Variants in NAALADL2 observed in about 807,000 individuals in gnomAD.
NAALADL2 encodes the protein N-acetylated alpha-linked acidic dipeptidase like 2.
In NAALADL2, 76 loss-of-function variants were observed where a neutral mutation model predicts 87.2. That is an observed-to-expected ratio of 0.87 (90% CI 0.72 to 1.05). NAALADL2 has a LOEUF of 1.05. Ranked by LOEUF, NAALADL2 falls within the 50% of genes least tolerant of loss-of-function variation. NAALADL2 has a pLI of 0.00. For missense variants in NAALADL2, 1,089 were observed against 945.8 expected (o/e 1.15, Z -1.99); for synonymous variants, 354 against 331.0 (o/e 1.07, Z -0.75).
intron 1 of NAALADL2, among the ~76,000 whole-genome samples, chr3:175,013,291 A>ATG (rs1361382620): frequency 1.2e-5 from 1 of 84,738 alleles, no homozygotes; most frequent in Non-Finnish European, 2.0e-5. Context: ...ATATATATAT[A>ATG]TATATATATA....
chr3:175,491,695 T>C (rs1728120692), intron 9 of NAALADL2, among the ~76,000 whole-genome samples: 2 of 152,258 alleles, frequency 1.3e-5, no homozygotes, highest in African/African-American at 4.8e-5. Context: ...AACAAGACTT[T>C]CTAACTGGTA....
chr3:175,517,240 A>G (rs909206955), intron 9 of NAALADL2, among the ~76,000 whole-genome samples: 2 of 152,214 alleles, frequency 1.3e-5, no homozygotes, highest in African/African-American at 4.8e-5. Flanking sequence ...AGGTGGACAA[A>G]CATTTCACAG....
Position 174,978,083 on chromosome 3 carries a change from A to T in NAALADL2, c.43+118633A>T, listed in dbSNP as rs140228330. ...AGGAAACAAGCGTAGAAAAATCTGA[A>T]GCACAGAGAGGTGAATAAACTCAGA... is the stretch of plus-strand genomic sequence containing the variant. On this transcript the variant is annotated intron_variant, in intron 1 of 13. Coordinates refer to ENST00000454872, the MANE Select transcript of NAALADL2 (RefSeq NM_207015.3). 4.6e-5 allele frequency among the ~76,000 whole-genome samples: 7 copies of T among 152,312 alleles called. No homozygotes were observed. The East Asian group carries it at 1.4e-3, about 29-fold the overall frequency.
chr3:175,222,580 T>C (rs1322424179), intron 2 of NAALADL2, among the ~76,000 whole-genome samples: 1 of 152,164 alleles, frequency 6.6e-6, no homozygotes, highest in African/African-American at 2.4e-5. Flanking sequence ...AGTGTATTCT[T>C]AGAAACCTCC....
chr3:175,541,663 T>C (rs1712353109), intron 9 of NAALADL2, among the ~76,000 whole-genome samples: 2 of 151,988 alleles, frequency 1.3e-5, no homozygotes, highest in African/African-American at 4.8e-5. Flanking sequence ...CTTGTTTCCT[T>C]TTTTTTCCCC....
chr3:175,657,722 A>G (rs1472232863), intron 11 of NAALADL2, among the ~76,000 whole-genome samples: 2 of 151,470 alleles, frequency 1.3e-5, no homozygotes, highest in African/African-American at 4.9e-5. Flanking sequence ...CTGGGACTAC[A>G]GGTGCCCGCC....
chr3:175,402,214 T>G (rs1770650734), intron 5 of NAALADL2, among the ~76,000 whole-genome samples: 1 of 152,072 alleles, frequency 6.6e-6, no homozygotes, highest in African/African-American at 2.4e-5. Flanking sequence ...AATTTACACA[T>G]TCAATACAAA....
At chr3:175,382,755 C>T (rs1250155619) in intron 5 of NAALADL2, among the ~76,000 whole-genome samples, 1 of 151,312 alleles carries the variant, frequency 6.6e-6, no homozygotes, top group Non-Finnish European at 1.5e-5. Context: ...GTATTATAGC[C>T]CTCTAGGGAG....
At chr3:175,290,127 A>G (rs1470811195) in intron 4 of NAALADL2, among the ~76,000 whole-genome samples, 1 of 152,200 alleles carries the variant, frequency 6.6e-6, no homozygotes, top group African/African-American at 2.4e-5. Flanking sequence ...AAATAATACA[A>G]TTTCTTTGTA....
intron 11 of NAALADL2, among the ~76,000 whole-genome samples, chr3:175,696,054 A>C (rs2149937025): frequency 6.6e-6 from 1 of 152,290 alleles, no homozygotes; most frequent in South Asian, 2.1e-4. Context: ...ACTGTGGTGA[A>C]ATATTTTCTA....
chr3:175,728,986 G>C (rs1216702892), intron 11 of NAALADL2, among the ~76,000 whole-genome samples: 1 of 151,980 alleles, frequency 6.6e-6, no homozygotes, highest in African/African-American at 2.4e-5. Context: ...TATTCCCTTG[G>C]TCTAGAATAC....
intron 10 of NAALADL2, among the ~76,000 whole-genome samples, chr3:175,610,964 C>T (rs1560846997): frequency 6.6e-6 from 1 of 151,976 alleles, no homozygotes. Flanking sequence ...TACAATAGCA[C>T]TCTGAAGGTG....
At chr3:174,751,967 TA>T (rs1159861382) in intron 3 of NAALADL2, among the ~76,000 whole-genome samples, 30 of 152,192 alleles carry the variant, frequency 2.0e-4, no homozygotes, top group African/African-American at 6.7e-4. Context: ...GATTTTCTTT[TA>T]TTTTTTTCTT....
chr3:174,989,863 A>G (rs1746475764), intron 1 of NAALADL2, among the ~76,000 whole-genome samples: 1 of 152,196 alleles, frequency 6.6e-6, no homozygotes, highest in African/African-American at 2.4e-5. Context: ...GCAAAATGGT[A>G]ATCTGCATAT....
chr3:175,666,369 T>C (rs1054235812), intron 11 of NAALADL2, among the ~76,000 whole-genome samples: 2 of 152,218 alleles, frequency 1.3e-5, no homozygotes, highest in Non-Finnish European at 2.9e-5. Context: ...AAGCTTTTCC[T>C]CAAATACTCA....
At chr3:174,683,315 T>A (rs964637491) in intron 2 of NAALADL2, among the ~76,000 whole-genome samples, 1 of 152,044 alleles carries the variant, frequency 6.6e-6, no homozygotes, top group East Asian at 1.9e-4. Flanking sequence ...AAAGAGGAGA[T>A]AGAGAGAGAT....
chr3:174,885,050 T>C lies in NAALADL2; in HGVS notation c.43+25600T>C, dbSNP rs143643242. Among the ~76,000 whole-genome samples, 5 of 152,242 alleles carry C rather than the reference T, an allele frequency of 3.3e-5. No individual in the cohort carries two copies. The East Asian group carries it at 9.7e-4, about 29-fold the overall frequency. ...GTCAGGGAGGGGATGTTGCCTCTGC[T>C]GGGGATGGGGAAGTTGTTTCTTCTG... On this transcript the variant is annotated intron_variant, in intron 1 of 13. Coordinates refer to ENST00000454872, the MANE Select transcript of NAALADL2 (RefSeq NM_207015.3).
At chr3:175,230,172 T>C (rs1465779189) in intron 2 of NAALADL2, among the ~76,000 whole-genome samples, 1 of 151,920 alleles carries the variant, frequency 6.6e-6, no homozygotes. Context: ...TACACACACA[T>C]TCTCCAAATA....
chr3:174,641,584 T>C (rs982427149), intron 2 of NAALADL2, among the ~76,000 whole-genome samples: 3 of 152,064 alleles, frequency 2.0e-5, no homozygotes, highest in Non-Finnish European at 2.9e-5. Flanking sequence ...ATTCAACACG[T>C]CAATGTACCT....
Sources: gnomAD v4.1 joint callset for allele counts (sites outside exome capture counted in the v4.1 genomes callset) on GRCh38, gnomAD v4.1.1 for gene constraint, MANE v1.5 for transcripts, NCBI Gene and HGNC (gene_info 2026-07-23, HGNC 2026-07-21) for gene names.